CYP51A1: variants seen among roughly 807,000 people sequenced by gnomAD.
CYP51A1 encodes the protein lanosterol 14-alpha demethylase.
A neutral mutation model predicts 53.5 loss-of-function variants in CYP51A1; 45 were observed. The ratio of observed to expected loss-of-function variants is 0.84; its 90% CI spans 0.66 to 1.08. CYP51A1 has a LOEUF of 1.08. Among genes scored for constraint, CYP51A1 ranks in the 50% least tolerant of loss-of-function variants. The pLI, the probability that CYP51A1 is intolerant of heterozygous loss-of-function variation, is 0.00. For synonymous variants in CYP51A1, 181 were observed against 217.7 expected (o/e 0.83, Z 1.48); for missense variants, 462 against 621.7 (o/e 0.74, Z 2.73).
chr7:92,128,140 G>A (rs201244090), intron 3 of CYP51A1, among the ~76,000 whole-genome samples: 76 of 152,274 alleles, frequency 5.0e-4, no homozygotes, highest in East Asian at 2.9e-3. Context: ...TCTAAACAGC[G>A]CTTATGTTAG....
intron 3 of CYP51A1, among the ~76,000 whole-genome samples, chr7:92,128,088 TGAA>T (rs1320736928): frequency 2.6e-5 from 4 of 152,200 alleles, no homozygotes; most frequent in Non-Finnish European, 5.9e-5. Context: ...ACCCCACACG[TGAA>T]GTTGTTGCAT....
Position 92,134,366 on chromosome 7 carries a change from C to A in CYP51A1, c.-2G>T. On this transcript the variant is annotated 5_prime_UTR_variant, in exon 1 of 10. Coordinates refer to ENST00000003100, the MANE Select transcript of CYP51A1 (RefSeq NM_000786.4). ...CAGCATCCCAGCCGCCGCCGCCATT[C>A]ACTCCGTCGGAAACACTGAAGGCCG... 6.3e-7 allele frequency: 1 copy of A among 1,576,644 alleles called. No individual in the cohort carries two copies. Among genetic ancestry groups the A allele is most frequent in the Non-Finnish European group, 8.6e-7 (1 of 1,157,268 alleles).
Position 92,113,228 on chromosome 7 carries a change from G to A in CYP51A1, c.*437C>T, listed in dbSNP as rs1310183819. ...TTCCATCCTCACACACACAATAATT[G>A]CCCAGATAAATAATAATAAACTGTG... On this transcript the variant is annotated 3_prime_UTR_variant, in exon 10 of 10. Coordinates refer to ENST00000003100, the MANE Select transcript of CYP51A1 (RefSeq NM_000786.4). 1 of 156,048 alleles carries A rather than the reference G, an allele frequency of 6.4e-6. No homozygotes were observed. The highest frequency in any genetic ancestry group is 2.4e-5 in the African/African-American group (1 of 41,400). The allele number at this position is 156,048 out of a possible 1,614,324, so 9.7% of individuals were successfully genotyped here.
intron 2 of CYP51A1, among the ~76,000 whole-genome samples, chr7:92,130,177 A>G (rs995353651): frequency 1.3e-5 from 2 of 152,216 alleles, no homozygotes; most frequent in Admixed American, 1.3e-4. Flanking sequence ...GAACGCAGTG[A>G]GCCAGACTGT....
At position 92,131,857 on chromosome 7, in the gene CYP51A1, T is replaced by C. The variant is rs766521402; in HGVS notation, c.208A>G (p.Ile70Val). 6.3e-6 allele frequency: 10 copies of C among 1,587,024 alleles called. No individual in the cohort carries two copies. The South Asian group carries it at 6.7e-5, about 11-fold the overall frequency. The change falls in exon 2 of 10, where the codon ATT (isoleucine) becomes GTT (valine). Residue 70 changes from isoleucine (I) to valine (V), a missense_variant. Physicochemically the swap from Ile to Val is conservative, Grantham distance 29. Coordinates refer to ENST00000003100, the MANE Select transcript of CYP51A1 (RefSeq NM_000786.4). ...LPAGVKSPPY[I>V]FSPIPFLGHA... ...CCAAGGAATGGAATTGGGGAGAAAA[T>C]GTATGGAGGACTTTTCTACAAGAGA... is the stretch of plus-strand genomic sequence containing the variant.
rs372784095 is a variant in CYP51A1 at position 92,118,654 on chromosome 7, A to G, written c.1087-39T>C. ...GCATTTCCTGATTGTTATAAATAAC[A>G]TACTTCAACAGTACAAAAAATTAGT... On this transcript the variant is annotated intron_variant, in intron 7 of 9. Transcript: ENST00000003100. 9 of 1,134,566 alleles carry G rather than the reference A, an allele frequency of 7.9e-6. No individual in the cohort carries two copies. In the African/African-American group the frequency reaches 9.2e-5, roughly 12 times the overall value. The allele number at this position is 1,134,566 out of a possible 1,614,324, so 70.3% of individuals were successfully genotyped here.
intron 5 of CYP51A1, among the ~76,000 whole-genome samples, chr7:92,124,312 T>C (rs1461675063): frequency 6.6e-6 from 1 of 152,334 alleles, no homozygotes; most frequent in African/African-American, 2.4e-5. Context: ...TAGTTTTTTG[T>C]AGGGGGTGAA....
chr7:92,130,946 C>A (rs546894314), intron 2 of CYP51A1, among the ~76,000 whole-genome samples: 2 of 152,270 alleles, frequency 1.3e-5, no homozygotes, highest in African/African-American at 2.4e-5. Context: ...CAGGAAGAAA[C>A]TAATCTGGTG....
At chr7:92,133,451 G>A (rs933677973) in intron 1 of CYP51A1, among the ~76,000 whole-genome samples, 1 of 152,146 alleles carries the variant, frequency 6.6e-6, no homozygotes, top group East Asian at 1.9e-4. Context: ...TATTTTAGTA[G>A]AGATGGGGTT....
rs1226975744 is a variant in CYP51A1, at chr7:92,113,680, T to C, written c.1515A>G (p.Lys505=). The change falls in exon 10 of 10, where the codon AAA becomes AAG. Residue 505 remains lysine, a synonymous_variant. Transcript: ENST00000003100. The stretch of plus-strand genomic sequence containing the variant: ...GCAACCTTTTTCATTTTGATCTTCG[T>C]TTGTAACGGATAACTGGGTTTTCAG... ...HTPENPVIRY[K]RRSK is the part of the protein sequence containing the mutation. The C allele has an allele frequency of 6.2e-7, 1 of 1,611,544 alleles. No individual in the cohort carries two copies. The highest frequency in any genetic ancestry group is 1.7e-5 in the Admixed American group (1 of 59,820).
chr7:92,120,981 G>T (rs1234702465), intron 7 of CYP51A1, among the ~76,000 whole-genome samples: 1 of 152,048 alleles, frequency 6.6e-6, no homozygotes, highest in African/African-American at 2.4e-5. Context: ...TAGTCACCAG[G>T]GAAATGCAAA....
Position 92,112,205 on chromosome 7 carries a change from A to AATT in CYP51A1, c.*1457_*1459dup, listed in dbSNP as rs1437954347. On this transcript the variant is annotated 3_prime_UTR_variant, in exon 10 of 10. Transcript: ENST00000003100. Reference sequence around the variant, plus strand: ...AAATTAGCAGAGATTCTGCCTTCACAATTAGAGTTTAACATGAGTCTTCCA... The same window carrying AATT: ...AAATTAGCAGAGATTCTGCCTTCACAATTATTAGAGTTTAACATGAGTCTTCCA... 7.2e-5 allele frequency: 11 copies of AATT among 152,332 alleles called. No individual in the cohort carries two copies. Among genetic ancestry groups the AATT allele is most frequent in the African/African-American group, 2.6e-4 (11 of 41,564 alleles). 9.4% of individuals were successfully genotyped at this position (152,332 alleles called of 1,614,324 possible).
rs1208727500 is a variant in CYP51A1, at chr7:92,112,187, CAG to C, written c.*1476_*1477del. 2 of 152,124 alleles carry C rather than the reference CAG, an allele frequency of 1.3e-5. No individual in the cohort carries two copies. Among genetic ancestry groups the C allele is most frequent in the African/African-American group, 4.8e-5 (2 of 41,420 alleles). 9.4% of individuals were successfully genotyped at this position (152,124 alleles called of 1,614,324 possible). On this transcript the variant is annotated 3_prime_UTR_variant, in exon 10 of 10. Coordinates refer to ENST00000003100, the MANE Select transcript of CYP51A1 (RefSeq NM_000786.4). ...AGAGAATTTTAATCTGAAAAATTAG[CAG>C]AGATTCTGCCTTCACAATTAGAGTT... is the stretch of plus-strand genomic sequence containing the variant.
At chr7:92,120,046 A>T (rs1819657885) in intron 7 of CYP51A1, among the ~76,000 whole-genome samples, 1 of 152,190 alleles carries the variant, frequency 6.6e-6, no homozygotes, top group Non-Finnish European at 1.5e-5. Flanking sequence ...CAATAATAAA[A>T]TACTTAAGAA....
chr7:92,130,225 A>G (rs1189369103), intron 2 of CYP51A1, among the ~76,000 whole-genome samples: 2 of 152,172 alleles, frequency 1.3e-5, no homozygotes, highest in African/African-American at 4.8e-5. Flanking sequence ...TACTTGCTGT[A>G]TGACTTTGGT....
At chr7:92,114,020 T>C (rs1819528114) in intron 9 of CYP51A1, among the ~76,000 whole-genome samples, 177 bp from the exon 10 acceptor site, 1 of 152,190 alleles carries the variant, frequency 6.6e-6, no homozygotes, top group Admixed American at 6.5e-5. Context: ...AGATTTTCAA[T>C]ACCACATTTT....
At chr7:92,116,681 T>C (rs1192601300) in intron 9 of CYP51A1, among the ~76,000 whole-genome samples, 1 of 152,218 alleles carries the variant, frequency 6.6e-6, no homozygotes, top group Non-Finnish European at 1.5e-5. Flanking sequence ...TTTTGTGAAA[T>C]GCTAGTAATC....
chr7:92,134,473 C>A lies in CYP51A1; in HGVS notation c.-109G>T. 1 of 1,222,162 alleles carries A rather than the reference C, an allele frequency of 8.2e-7. No individual in the cohort carries two copies. The highest frequency in any genetic ancestry group is 1.1e-6 in the Non-Finnish European group (1 of 898,900). The allele number at this position is 1,222,162 out of a possible 1,614,324, so 75.7% of individuals were successfully genotyped here. On this transcript the variant is annotated 5_prime_UTR_variant, in exon 1 of 10. It adds an upstream start codon to the 5' untranslated region. Coordinates refer to ENST00000003100, the MANE Select transcript of CYP51A1 (RefSeq NM_000786.4). The stretch of plus-strand genomic sequence containing the variant: ...CACAGGGGGCCTTGCCCCAGGTCTC[C>A]TACTAAACCCAGCCCCACCCCTCGG...
chr7:92,112,981 G>A lies in CYP51A1; in HGVS notation c.*684C>T, dbSNP rs1819480683. 1 of 151,964 alleles carries A rather than the reference G, an allele frequency of 6.6e-6. No individual in the cohort carries two copies. Among genetic ancestry groups the A allele is most frequent in the Non-Finnish European group, 1.5e-5 (1 of 67,992 alleles). The allele number at this position is 151,964 out of a possible 1,614,324, so 9.4% of individuals were successfully genotyped here. ...TAAATATGTAATTATTTAGTAATTA[G>A]ATCAAGATACATGAGCAGTCTTTAG... On this transcript the variant is annotated 3_prime_UTR_variant, in exon 10 of 10. Coordinates refer to ENST00000003100, the MANE Select transcript of CYP51A1 (RefSeq NM_000786.4).
Sources: gnomAD v4.1 joint callset for allele counts (sites outside exome capture counted in the v4.1 genomes callset) on GRCh38, gnomAD v4.1.1 for gene constraint, MANE v1.5 for transcripts, NCBI Gene and HGNC (gene_info 2026-07-23, HGNC 2026-07-21) for gene names.